Variants in LRP1B observed in about 807,000 individuals in gnomAD.
The protein encoded by LRP1B is LDL receptor related protein 1B.
A neutral mutation model predicts 556.6 loss-of-function variants in LRP1B; 217 were observed. The observed-to-expected ratio is 0.39, with a 90% CI of 0.35 to 0.44. The LOEUF is 0.44. Ranked by LOEUF, LRP1B falls within the 20% of genes least tolerant of loss-of-function variation. The probability of loss-of-function intolerance (pLI) is 1.00; values close to 1 mark genes in which losing one functional copy is unlikely to be tolerated. For synonymous variants in LRP1B, 2,047 were observed against 1,865.8 expected (o/e 1.10, Z -2.50); for missense variants, 5,053 against 5,620.8 (o/e 0.90, Z 3.23).
At chr2:140,676,555 A>G (rs1559048790) in intron 41 of LRP1B, among the ~76,000 whole-genome samples, 1 of 152,200 alleles carries the variant, frequency 6.6e-6, no homozygotes, top group Non-Finnish European at 1.5e-5. Flanking sequence ...TCTTCACAAA[A>G]TAAGTTTGCT....
chr2:141,291,977 T>A (rs1685985253), intron 3 of LRP1B, among the ~76,000 whole-genome samples: 1 of 149,606 alleles, frequency 6.7e-6, no homozygotes, highest in South Asian at 2.2e-4. Context: ...ATACCAGGGG[T>A]CCCCAACCCC....
chr2:141,218,850 C>A (rs975064768), intron 6 of LRP1B, among the ~76,000 whole-genome samples: 1 of 152,104 alleles, frequency 6.6e-6, no homozygotes, highest in African/African-American at 2.4e-5. Flanking sequence ...CTGAGAAGAA[C>A]AAAAACAGTA....
chr2:140,308,822 CATA>C (rs1440936451), intron 83 of LRP1B, among the ~76,000 whole-genome samples: 2 of 151,584 alleles, frequency 1.3e-5, no homozygotes, highest in East Asian at 3.9e-4. Context: ...CAAAATATGA[CATA>C]ATACTTACTC....
chr2:140,233,348 T>G (rs76909136), intron 90 of LRP1B, 22 bp from the exon 91 acceptor site: 23,703 of 1,529,534 alleles, frequency 0.015, 265 homozygotes, highest in Middle Eastern at 0.017. Flanking sequence ...AAAAAATAAA[T>G]ATAATTTTAT....
rs569478766 is a variant in LRP1B at position 141,354,035 on chromosome 2, A to G, written c.344-99394T>C. Among the ~76,000 whole-genome samples, 20 of 152,092 alleles carry G rather than the reference A, an allele frequency of 1.3e-4. No individual in the cohort carries two copies. The South Asian group carries it at 2.7e-3, about 21-fold the overall frequency. On this transcript the variant is annotated intron_variant, in intron 3 of 90. Coordinates refer to ENST00000389484, the MANE Select transcript of LRP1B (RefSeq NM_018557.3). ...GGTAATTGAAGGCATTAGAGAAGGG[A>G]ACAGTAGACACTGAGGCCTACTTAA...
chr2:140,470,552 G>A (rs920195657), intron 60 of LRP1B, among the ~76,000 whole-genome samples: 2 of 148,814 alleles, frequency 1.3e-5, no homozygotes, highest in African/African-American at 4.9e-5. Flanking sequence ...GGCTGAGGCA[G>A]GAGAATGGCA....
chr2:141,904,017 G>C (rs909869566), intron 1 of LRP1B, among the ~76,000 whole-genome samples: 2 of 151,828 alleles, frequency 1.3e-5, no homozygotes, highest in Non-Finnish European at 2.9e-5. Context: ...GAGCACGAAG[G>C]GTAATGGAAA....
rs1223373091 is a variant in LRP1B at position 141,467,107 on chromosome 2, TATATATATATATATATCTATATATATA to T, written c.343+13262_343+13288del. On this transcript the variant is annotated intron_variant, in intron 3 of 90. Coordinates refer to ENST00000389484, the MANE Select transcript of LRP1B (RefSeq NM_018557.3). Reference sequence around the variant, plus strand: ...ACACACACACATATATATGTGTATATATATATATATATATATCTATATATATATATATATATATATATATCCTCTCAG... The same window carrying T: ...ACACACACACATATATATGTGTATATTATATATATATATATATCCTCTCAG... Among the ~76,000 whole-genome samples the T allele has an allele frequency of 8.0e-4, 66 of 82,214 alleles. 1 individual carries two copies. The highest frequency in any genetic ancestry group is 0.011 in the Middle Eastern group (2 of 188). 53.9% of individuals were successfully genotyped at this position (82,214 alleles called of 152,430 possible).
intron 1 of LRP1B, among the ~76,000 whole-genome samples, chr2:142,029,245 A>T (rs1703606596): frequency 6.6e-6 from 1 of 151,942 alleles, no homozygotes; most frequent in South Asian, 2.1e-4. Context: ...GGAGTTACAA[A>T]TTAAGACCAC....
At chr2:140,750,915 A>G (rs1429075130) in intron 35 of LRP1B, among the ~76,000 whole-genome samples, 1 of 152,058 alleles carries the variant, frequency 6.6e-6, no homozygotes, top group African/African-American at 2.4e-5. Context: ...GTAAACTGAA[A>G]CCACTCCAGA....
intron 31 of LRP1B, among the ~76,000 whole-genome samples, chr2:140,824,505 C>T (rs1691438145): frequency 6.6e-6 from 1 of 151,956 alleles, no homozygotes; most frequent in Admixed American, 6.6e-5. Flanking sequence ...CCAGTGGCCA[C>T]AGGGTTAGAC....
intron 12 of LRP1B, among the ~76,000 whole-genome samples, chr2:141,017,169 C>A (rs1453193821): frequency 6.7e-6 from 1 of 150,354 alleles, no homozygotes; most frequent in Admixed American, 6.7e-5. Flanking sequence ...TTAATTGGGA[C>A]AACTTAGTAA....
intron 6 of LRP1B, among the ~76,000 whole-genome samples, chr2:141,222,552 CA>C (rs1683088743): frequency 6.6e-6 from 1 of 152,102 alleles, no homozygotes; most frequent in Non-Finnish European, 1.5e-5. Context: ...ATCCAGATAC[CA>C]AAACCTGACA....
At chr2:140,520,490 G>T (rs2104950870) in intron 49 of LRP1B, among the ~76,000 whole-genome samples, 1 of 152,094 alleles carries the variant, frequency 6.6e-6, no homozygotes, top group African/African-American at 2.4e-5. Flanking sequence ...AGCATTAGGA[G>T]AAATGCCTAA....
intron 1 of LRP1B, among the ~76,000 whole-genome samples, chr2:141,964,950 C>T (rs1701513150): frequency 6.7e-6 from 1 of 150,034 alleles, no homozygotes; most frequent in South Asian, 2.1e-4. Context: ...TGAACAGACA[C>T]TTCTCAAAAA....
intron 79 of LRP1B, among the ~76,000 whole-genome samples, chr2:140,327,586 AC>A (rs1680555571): frequency 6.6e-6 from 1 of 152,102 alleles, no homozygotes; most frequent in South Asian, 2.1e-4. Flanking sequence ...AGGGTTAAAA[AC>A]ATAAAACATG....
chr2:140,679,374 G>C (rs959499616), intron 41 of LRP1B, among the ~76,000 whole-genome samples: 1 of 152,040 alleles, frequency 6.6e-6, no homozygotes, highest in Non-Finnish European at 1.5e-5. Flanking sequence ...TCATCTGTCT[G>C]GTCAACGCCA....
chr2:140,768,379 C>A (rs1428076565), intron 35 of LRP1B, among the ~76,000 whole-genome samples: 3 of 151,746 alleles, frequency 2.0e-5, no homozygotes. Context: ...CAAACTAAGT[C>A]TTTACACATA....
chr2:140,663,149 A>G (rs1685155952), intron 41 of LRP1B, among the ~76,000 whole-genome samples: 1 of 152,216 alleles, frequency 6.6e-6, no homozygotes, highest in Admixed American at 6.5e-5. Context: ...CAACCAACAG[A>G]GAATTTGTGT....
Sources: allele counts gnomAD v4.1 joint callset (sites outside exome capture counted in the v4.1 genomes callset), GRCh38; gene constraint gnomAD v4.1.1; transcripts MANE v1.5; gene names NCBI Gene and HGNC (gene_info 2026-07-23, HGNC 2026-07-21).